Variants in KLRG1 observed in about 807,000 individuals in gnomAD.
KLRG1 encodes the protein killer cell lectin like receptor G1.
KLRG1 carries 16 observed loss-of-function variants against 21.8 expected under a neutral mutation model. The observed-to-expected ratio is 0.73, with a 90% confidence interval of 0.50 to 1.11. KLRG1 has a LOEUF of 1.11. Among genes scored for constraint, KLRG1 ranks in the 50% most tolerant of loss-of-function variants. The probability of loss-of-function intolerance (pLI) is 0.00; values close to 1 mark genes in which losing one functional copy is unlikely to be tolerated. For missense variants in KLRG1, 173 were observed against 218.3 expected (o/e 0.79, Z 1.31); for synonymous variants, 69 against 75.9 (o/e 0.91, Z 0.47).
the KLRG1 span, among the ~76,000 whole-genome samples, chr12:9,090,890 G>A: frequency 6.6e-5 from 10 of 152,268 alleles, no homozygotes; most frequent in East Asian, 1.3e-3. Context: ...AATGAGCTAC[G>A]AAAAGTTAAA....
chr12:9,032,498 A>G, the KLRG1 span, among the ~76,000 whole-genome samples: 1 of 152,212 alleles, frequency 6.6e-6, no homozygotes, highest in Non-Finnish European at 1.5e-5. Context: ...CTTAATTTAT[A>G]CTTTAACCTT....
chr12:9,014,060 C>G (rs1056682901), downstream of KLRG1, among the ~76,000 whole-genome samples: 1 of 151,756 alleles, frequency 6.6e-6, no homozygotes, highest in African/African-American at 2.4e-5. Flanking sequence ...AATATACAGG[C>G]AGAGGAGACA....
At chr12:9,122,218 C>G in the KLRG1 span, among the ~76,000 whole-genome samples, 1 of 152,056 alleles carries the variant, frequency 6.6e-6, no homozygotes, top group Non-Finnish European at 1.5e-5. Flanking sequence ...GAATAGGAAG[C>G]AAGGTGGGGG....
the KLRG1 span, among the ~76,000 whole-genome samples, chr12:9,047,117 G>A: frequency 1.3e-5 from 2 of 152,124 alleles, no homozygotes; most frequent in African/African-American, 4.8e-5. Flanking sequence ...GCCTCCCAAA[G>A]CATTGGGATT....
At chr12:9,106,353 AAG>A in the KLRG1 span, 1 of 1,581,922 alleles carries the variant, frequency 6.3e-7, no homozygotes, top group Non-Finnish European at 8.6e-7. Flanking sequence ...CCACTGAAAA[AAG>A]AGAAAAAAAT....
chr12:8,951,654 A>G (rs1435542702), intron 1 of KLRG1, among the ~76,000 whole-genome samples: 1 of 152,236 alleles, frequency 6.6e-6, no homozygotes, highest in Non-Finnish European at 1.5e-5. Flanking sequence ...AGCAATTACT[A>G]TGTGCCAAAA....
At chr12:9,194,539 A>ACCT in the KLRG1 span, among the ~76,000 whole-genome samples, 1 of 139,708 alleles carries the variant, frequency 7.2e-6, no homozygotes, top group Non-Finnish European at 1.5e-5. Context: ...ATCTCGGCTC[A>ACCT]CTGCAAGCTC....
At chr12:9,071,402 C>T in the KLRG1 span, among the ~76,000 whole-genome samples, 1 of 151,604 alleles carries the variant, frequency 6.6e-6, no homozygotes, top group Non-Finnish European at 1.5e-5. Context: ...TATTTTTTGG[C>T]ATATATATAC....
the KLRG1 span, among the ~76,000 whole-genome samples, chr12:9,090,780 C>T: frequency 5.1e-4 from 78 of 152,130 alleles, 1 homozygote; most frequent in Non-Finnish European, 1.6e-4. Flanking sequence ...GACCATTCCC[C>T]CGGATCTCCC....
chr12:8,960,899 A>G (rs1209798683), intron 1 of KLRG1, among the ~76,000 whole-genome samples: 1 of 152,196 alleles, frequency 6.6e-6, no homozygotes, highest in Admixed American at 6.5e-5. Context: ...TCTGGTAGTT[A>G]GGTTATTTGA....
At chr12:9,019,561 C>T in the KLRG1 span, among the ~76,000 whole-genome samples, 15 of 152,228 alleles carry the variant, frequency 9.9e-5, no homozygotes, top group Admixed American at 4.6e-4. Context: ...AAATGTGGTA[C>T]ATATACATGA....
the KLRG1 span, among the ~76,000 whole-genome samples, chr12:9,131,068 C>A: frequency 2.6e-5 from 4 of 152,154 alleles, no homozygotes; most frequent in African/African-American, 9.7e-5. Flanking sequence ...GGTCTTGGCA[C>A]CCTTGTTGAA....
At chr12:8,955,323 C>T (rs1366308983) in intron 1 of KLRG1, among the ~76,000 whole-genome samples, 1 of 149,006 alleles carries the variant, frequency 6.7e-6, no homozygotes, top group Non-Finnish European at 1.5e-5. Flanking sequence ...AAAATTTCCT[C>T]ATGCTCCTAT....
the KLRG1 span, chr12:9,162,359 C>A: frequency 2.2e-6 from 1 of 461,766 alleles, no homozygotes; most frequent in East Asian, 3.9e-5. Context: ...AAAAGGGCTA[C>A]GTATGAACCA....
chr12:9,127,708 C>T, the KLRG1 span: 2 of 160,874 alleles, frequency 1.2e-5, no homozygotes, highest in East Asian at 1.9e-4. Context: ...ATGGCAGCGG[C>T]GATGCCAGCG....
chr12:9,049,277 A>G, the KLRG1 span, among the ~76,000 whole-genome samples: 1 of 152,114 alleles, frequency 6.6e-6, no homozygotes, highest in Non-Finnish European at 1.5e-5. Context: ...ATGTGGCCAC[A>G]GAGTGGTGGA....
chr12:9,080,753 G>C, the KLRG1 span, among the ~76,000 whole-genome samples: 1 of 152,028 alleles, frequency 6.6e-6, no homozygotes, highest in Admixed American at 6.6e-5. Context: ...TACTACTCAT[G>C]AACATACATT....
chr12:9,165,869 C>T, the KLRG1 span, among the ~76,000 whole-genome samples: 1 of 152,156 alleles, frequency 6.6e-6, no homozygotes, highest in Non-Finnish European at 1.5e-5. Flanking sequence ...TAGAATTGCT[C>T]AGCACTGAGA....
chr12:8,978,077 C>G (rs1592251477), intron 1 of KLRG1, among the ~76,000 whole-genome samples: 1 of 152,066 alleles, frequency 6.6e-6, no homozygotes, highest in Non-Finnish European at 1.5e-5. Context: ...GTTAACAAAT[C>G]TTTATTTTTT....
Sources: gnomAD v4.1 joint callset for allele counts (sites outside exome capture counted in the v4.1 genomes callset) on GRCh38, gnomAD v4.1.1 for gene constraint, MANE v1.5 for transcripts, NCBI Gene and HGNC (gene_info 2026-07-23, HGNC 2026-07-21) for gene names.